Variants in SND1 observed in about 807,000 individuals in gnomAD.
The protein encoded by SND1 is staphylococcal nuclease and tudor domain containing 1.
In SND1, 38 loss-of-function variants were observed where a neutral mutation model predicts 121.7. The ratio of observed to expected loss-of-function variants is 0.31; its 90% CI spans 0.24 to 0.41. The LOEUF (loss-of-function observed/expected upper bound fraction) is 0.41, where lower values mean the gene tolerates loss of function less well. Ranked by LOEUF, SND1 falls within the 10% of genes least tolerant of loss-of-function variation. SND1 has a pLI of 1.00. For synonymous variants in SND1, 401 were observed against 447.4 expected (o/e 0.90, Z 1.31); for missense variants, 868 against 1,184.6 (o/e 0.73, Z 3.92).
At chr7:127,961,859 A>G (rs1801739307) in intron 15 of SND1, among the ~76,000 whole-genome samples, 1 of 152,230 alleles carries the variant, frequency 6.6e-6, no homozygotes, top group Non-Finnish European at 1.5e-5. Context: ...CGTGAAAATC[A>G]ACAGGACACC....
At chr7:127,652,577 T>C (rs1237584167) in intron 1 of SND1, 126 bp downstream of exon 1, 2 of 785,148 alleles carry the variant, frequency 2.5e-6, no homozygotes, top group Admixed American at 2.9e-5. Context: ...TCCTCACTTT[T>C]CGTCGATTCT....
intron 14 of SND1, among the ~76,000 whole-genome samples, chr7:127,924,311 A>G (rs1188481501): frequency 6.6e-6 from 1 of 152,176 alleles, no homozygotes; most frequent in Non-Finnish European, 1.5e-5. Flanking sequence ...TTAATCAAAG[A>G]TTGTGATGAT....
chr7:128,051,117 T>A (rs2085026470), intron 16 of SND1, among the ~76,000 whole-genome samples: 1 of 152,196 alleles, frequency 6.6e-6, no homozygotes, highest in Non-Finnish European at 1.5e-5. Flanking sequence ...CTTCCAGAGC[T>A]TCCCACAGCT....
intron 11 of SND1, among the ~76,000 whole-genome samples, chr7:127,836,384 G>T (rs1258538694): frequency 6.6e-6 from 1 of 152,184 alleles, no homozygotes; most frequent in Non-Finnish European, 1.5e-5. Context: ...ATAAATACAT[G>T]TGAAGAAACA....
At position 128,081,490 on chromosome 7, in the gene SND1, A is replaced by C. The variant is rs753659656; in HGVS notation, c.2099A>C (p.Asp700Ala). Residue 700 changes from aspartate to alanine, a missense_variant, in exon 18 of 24, where the codon GAT becomes GCT. Coordinates refer to ENST00000354725, the MANE Select transcript of SND1 (RefSeq NM_014390.4). Reference protein sequence around the residue: ...ITDDLHFYVQDVETGTQLEKL... With the variant: ...ITDDLHFYVQAVETGTQLEKL... Reference sequence around the variant, plus strand: ...GATGACCTGCACTTCTACGTGCAGGATGTGGAGACCGGTGAGTGCTCAGGC... The same window carrying C: ...GATGACCTGCACTTCTACGTGCAGGCTGTGGAGACCGGTGAGTGCTCAGGC... 6.2e-7 allele frequency: 1 copy of C among 1,613,914 alleles called. No individual in the cohort carries two copies. Among genetic ancestry groups the C allele is most frequent in the Non-Finnish European group, 8.5e-7 (1 of 1,179,954 alleles).
At chr7:127,841,932 A>G (rs1798973283) in intron 11 of SND1, among the ~76,000 whole-genome samples, 2 of 152,182 alleles carry the variant, frequency 1.3e-5, no homozygotes, top group Non-Finnish European at 2.9e-5. Flanking sequence ...CATACTTCTC[A>G]TAAGAATGAT....
At chr7:127,763,611 A>C (rs2116481349) in intron 10 of SND1, among the ~76,000 whole-genome samples, 1 of 152,298 alleles carries the variant, frequency 6.6e-6, no homozygotes, top group African/African-American at 2.4e-5. Context: ...ATTAATAATA[A>C]TATGATACTT....
At chr7:127,664,965 A>G (rs1341304269) in intron 1 of SND1, among the ~76,000 whole-genome samples, 1 of 152,208 alleles carries the variant, frequency 6.6e-6, no homozygotes, top group Non-Finnish European at 1.5e-5. Context: ...GGTAGTAGGA[A>G]TGACAATATC....
intron 11 of SND1, among the ~76,000 whole-genome samples, chr7:127,841,546 T>A (rs534297543): frequency 6.6e-6 from 1 of 152,276 alleles, no homozygotes; most frequent in Admixed American, 6.5e-5. Context: ...TATCTTGTTG[T>A]TTTCCTCACC....
chr7:127,839,359 A>G (rs1032274598), intron 11 of SND1, among the ~76,000 whole-genome samples: 36 of 152,292 alleles, frequency 2.4e-4, no homozygotes, highest in African/African-American at 8.7e-4. Flanking sequence ...TATGCCCCAA[A>G]GCCTTACGTA....
intron 9 of SND1, among the ~76,000 whole-genome samples, chr7:127,712,798 A>C (rs2116367429): frequency 6.6e-6 from 1 of 152,284 alleles, no homozygotes; most frequent in Non-Finnish European, 1.5e-5. Context: ...AGAGGTGTTT[A>C]GAGAGGGACC....
intron 2 of SND1, chr7:127,687,273 A>T (rs946887433): frequency 6.6e-6 from 1 of 152,224 alleles, no homozygotes; most frequent in African/African-American, 2.4e-5. Context: ...CATAAATCGT[A>T]GCATGCTATA....
At chr7:127,803,937 A>G (rs1157357856) in intron 10 of SND1, among the ~76,000 whole-genome samples, 1 of 152,222 alleles carries the variant, frequency 6.6e-6, no homozygotes, top group Non-Finnish European at 1.5e-5. Flanking sequence ...CTCAGGATGA[A>G]CAGTGATTAC....
intron 16 of SND1, among the ~76,000 whole-genome samples, chr7:128,053,219 G>A (rs1793076309): frequency 6.6e-6 from 1 of 152,230 alleles, no homozygotes; most frequent in Non-Finnish European, 1.5e-5. Context: ...GTCACCCCAT[G>A]TCTTGGCAGT....
chr7:127,809,486 G>A (rs767863386), intron 11 of SND1, among the ~76,000 whole-genome samples: 9 of 152,180 alleles, frequency 5.9e-5, no homozygotes, highest in Admixed American at 3.3e-4. Flanking sequence ...GTACTCTGGC[G>A]TCTGGGAGCA....
intron 15 of SND1, among the ~76,000 whole-genome samples, chr7:127,946,993 A>AC (rs58040224): frequency 0.87 from 132,391 of 152,164 alleles, 57,836 homozygotes; most frequent in African/African-American, 0.92. Context: ...TATAGAAAAT[A>AC]TTTTTTCTAG....
chr7:127,915,816 G>A (rs916093291), intron 14 of SND1, among the ~76,000 whole-genome samples: 3 of 152,228 alleles, frequency 2.0e-5, no homozygotes, highest in Admixed American at 6.5e-5. Flanking sequence ...AGGTCCTGAG[G>A]TGGAAGATTG....
intron 14 of SND1, chr7:127,928,229 TATA>T (rs1264020144): frequency 6.6e-6 from 1 of 152,230 alleles, no homozygotes; most frequent in African/African-American, 2.4e-5. Context: ...TTATTATTTC[TATA>T]ATGATTCCTG....
At chr7:127,918,587 T>C (rs190488225) in intron 14 of SND1, among the ~76,000 whole-genome samples, 32 of 152,332 alleles carry the variant, frequency 2.1e-4, no homozygotes, top group Admixed American at 2.1e-3. Context: ...CTTACTGTGT[T>C]ATTCTTAACT....
Sources: gnomAD v4.1 joint callset for allele counts (sites outside exome capture counted in the v4.1 genomes callset) on GRCh38, gnomAD v4.1.1 for gene constraint, MANE v1.5 for transcripts, NCBI Gene and HGNC (gene_info 2026-07-23, HGNC 2026-07-21) for gene names.